Variants in NSD3 observed in about 807,000 individuals in gnomAD.
NSD3 encodes nuclear receptor binding SET domain protein 3.
A neutral mutation model predicts 160.8 loss-of-function variants in NSD3; 24 were observed. The ratio of observed to expected loss-of-function variants is 0.15; its 90% CI spans 0.11 to 0.21. NSD3 has a LOEUF of 0.21. Ranked by LOEUF, NSD3 falls within the 10% of genes least tolerant of loss-of-function variation. The probability of loss-of-function intolerance (pLI) is 1.00; values close to 1 mark genes in which losing one functional copy is unlikely to be tolerated. For missense variants in NSD3, 1,157 were observed against 1,735.9 expected (o/e 0.67, Z 5.93); for synonymous variants, 520 against 600.0 (o/e 0.87, Z 1.95).
chr8:38,286,156 T>G (rs945516302), intron 19 of NSD3, among the ~76,000 whole-genome samples: 3 of 152,096 alleles, frequency 2.0e-5, no homozygotes, highest in African/African-American at 7.2e-5. Context: ...GTTTATGACA[T>G]AAGACTTCAG....
At chr8:38,313,164 A>G (rs925849000) in intron 12 of NSD3, among the ~76,000 whole-genome samples, 1 of 152,210 alleles carries the variant, frequency 6.6e-6, no homozygotes, top group Non-Finnish European at 1.5e-5. Context: ...TATATGTTCT[A>G]AACAGCTTCC....
At chr8:38,314,199 T>C (rs1008411705) in intron 12 of NSD3, among the ~76,000 whole-genome samples, 2 of 152,216 alleles carry the variant, frequency 1.3e-5, no homozygotes, top group Admixed American at 6.5e-5. Context: ...AGTCTATGTA[T>C]AGTGAGATAA....
chr8:38,302,987 A>G (rs942100490), intron 14 of NSD3, among the ~76,000 whole-genome samples: 4 of 152,232 alleles, frequency 2.6e-5, no homozygotes, highest in Non-Finnish European at 4.4e-5. Flanking sequence ...AGAGCAAAAG[A>G]GAATATTAAT....
chr8:38,343,259 T>C (rs1810423396), intron 2 of NSD3, among the ~76,000 whole-genome samples: 1 of 152,102 alleles, frequency 6.6e-6, no homozygotes, highest in Non-Finnish European at 1.5e-5. Flanking sequence ...ATATTACTTA[T>C]ATAAATTTCA....
chr8:38,317,918 C>T lies in NSD3; in HGVS notation c.1855+977G>A. The stretch of plus-strand genomic sequence containing the variant: ...ACAAAGAAATCTTGCATGGAGACTA[C>T]AAGTCTGGAGTTTCTGGGATGAAAT... On this transcript the variant is annotated intron_variant, in intron 9 of 23. Coordinates refer to ENST00000317025, the MANE Select transcript of NSD3 (RefSeq NM_023034.2). This position sits in a 1 kb window ranked among gnomAD's most constrained non-coding sequence, Gnocchi z 5.3. 1.9e-6 allele frequency: 3 copies of T among 1,613,744 alleles called. No homozygotes were observed. Among genetic ancestry groups the T allele is most frequent in the African/African-American group, 2.7e-5 (2 of 75,016 alleles).
In NSD3 at chr8:38,341,735, T is replaced by C. The variant is rs1295491170; in HGVS notation, c.676-3128A>G. On this transcript the variant is annotated intron_variant, in intron 2 of 23. Transcript: ENST00000317025. ...GAGAGGCTGGGGCAGGTGGATCACT[T>C]GAGCCTAGGAACTGAAGAACAGCTT... Among the ~76,000 whole-genome samples the C allele has an allele frequency of 7.2e-5, 11 of 151,978 alleles. No homozygotes were observed. The East Asian group carries it at 1.9e-3, about 27-fold the overall frequency.
At position 38,337,409 on chromosome 8, in the gene NSD3, T is replaced by C. The variant is rs770072974; in HGVS notation, c.806A>G (p.Gln269Arg). The change falls in exon 4 of 24, where the codon CAG becomes CGG. Residue 269 changes from glutamine to arginine, a missense_variant. Gln to Arg is a conservative substitution (Grantham distance 43, BLOSUM62 1). Coordinates refer to ENST00000317025, the MANE Select transcript of NSD3 (RefSeq NM_023034.2). ...CTTGGACCACACAAGATCGCCAACC[T>C]GAAACTTAACACCAGTGGACACTTC... ...TTEVSTGVKF[Q>R]VGDLVWSKVG... is the part of the protein sequence containing the mutation. 3 of 1,612,608 alleles carry C rather than the reference T, an allele frequency of 1.9e-6. No individual in the cohort carries two copies. The highest frequency in any genetic ancestry group is 2.5e-6 in the Non-Finnish European group (3 of 1,179,462).
At chr8:38,290,895 A>G (rs561973917) in intron 16 of NSD3, 5 of 434,740 alleles carry the variant, frequency 1.2e-5, no homozygotes, top group Non-Finnish European at 2.1e-5. Flanking sequence ...CTTTCTTTTA[A>G]AAAATATTTC....
At chr8:38,281,099 T>A (rs1174537710) in intron 20 of NSD3, among the ~76,000 whole-genome samples, 1 of 152,122 alleles carries the variant, frequency 6.6e-6, no homozygotes, top group Non-Finnish European at 1.5e-5. Flanking sequence ...TTGGCTCCAG[T>A]AGAACTTTAA....
Position 38,326,721 on chromosome 8 carries a change from C to A in NSD3, c.1708+9G>T, listed in dbSNP as rs1809920714. 5 of 1,611,252 alleles carry A rather than the reference C, an allele frequency of 3.1e-6. No individual in the cohort carries two copies. Among genetic ancestry groups the A allele is most frequent in the Middle Eastern group, 3.3e-4 (2 of 6,062 alleles). On this transcript the variant is annotated intron_variant, in intron 7 of 23. Transcript: ENST00000317025. ...AATGGACCTATATATACTTTTCATT[C>A]ATACCAACCTGTAGAACCAGATGTT...
chr8:38,311,339 T>G (rs777665097), intron 12 of NSD3, among the ~76,000 whole-genome samples: 1 of 152,184 alleles, frequency 6.6e-6, no homozygotes, highest in Non-Finnish European at 1.5e-5. Flanking sequence ...TTGTTTTTGT[T>G]TTTTTGAGAT....
intron 15 of NSD3, among the ~76,000 whole-genome samples, chr8:38,297,688 G>C (rs1809184997): frequency 6.6e-6 from 1 of 152,076 alleles, no homozygotes; most frequent in Non-Finnish European, 1.5e-5. Flanking sequence ...CAATCATCAA[G>C]ATTTTTTTTC....
intron 5 of NSD3, among the ~76,000 whole-genome samples, chr8:38,330,254 A>G (rs758412694): frequency 1.3e-5 from 2 of 152,184 alleles, no homozygotes; most frequent in Non-Finnish European, 2.9e-5. Flanking sequence ...ATTAAAAATG[A>G]TACCCTGAAA....
At chr8:38,284,334 G>A (rs1489144211) in intron 19 of NSD3, among the ~76,000 whole-genome samples, 2 of 152,184 alleles carry the variant, frequency 1.3e-5, no homozygotes, top group African/African-American at 2.4e-5. Flanking sequence ...GTAGCAGATT[G>A]TATTGCCATC....
chr8:38,324,842 A>T (rs113801118), intron 7 of NSD3, among the ~76,000 whole-genome samples: 3 of 152,128 alleles, frequency 2.0e-5, no homozygotes. Context: ...AGCCTCCATA[A>T]AAATCCCTGA....
At chr8:38,302,344 C>T (rs1384016933) in intron 14 of NSD3, among the ~76,000 whole-genome samples, 1 of 152,204 alleles carries the variant, frequency 6.6e-6, no homozygotes, top group Non-Finnish European at 1.5e-5. Flanking sequence ...TTATTTACTT[C>T]TGAAAGACTT....
chr8:38,368,991 C>T (rs533185712), intron 1 of NSD3, among the ~76,000 whole-genome samples: 1 of 152,110 alleles, frequency 6.6e-6, no homozygotes, highest in Non-Finnish European at 1.5e-5. Context: ...AATTTACTTT[C>T]TTTTAGCTTG....
chr8:38,357,118 C>CAAAAAAAAAAAA (rs966483645), intron 1 of NSD3, among the ~76,000 whole-genome samples: 5 of 21,314 alleles, frequency 2.3e-4, no homozygotes, highest in Non-Finnish European at 4.1e-4. Flanking sequence ...GACACCATCT[C>CAAAAAAAAAAAA]AAAAAAAAAA....
At chr8:38,334,892 C>T (rs1025934604) in intron 4 of NSD3, among the ~76,000 whole-genome samples, 17 of 151,688 alleles carry the variant, frequency 1.1e-4, no homozygotes, top group Non-Finnish European at 1.8e-4. Context: ...CATTTCTTAA[C>T]CTAAAATTTC....
Sources: allele counts gnomAD v4.1 joint callset (sites outside exome capture counted in the v4.1 genomes callset), GRCh38; gene constraint gnomAD v4.1.1; non-coding constraint Gnocchi (gnomAD v3.1); transcripts MANE v1.5; gene names NCBI Gene and HGNC (gene_info 2026-07-23, HGNC 2026-07-21).